Variants in NEDD4L observed in about 807,000 individuals in gnomAD.
NEDD4L encodes the protein NEDD4 like E3 ubiquitin protein ligase, also known as E3 ubiquitin-protein ligase NEDD4-like.
Under a neutral mutation model 148.9 loss-of-function variants are expected in NEDD4L, and 54 were observed. The observed-to-expected ratio is 0.36, with a 90% CI of 0.29 to 0.45. The LOEUF (loss-of-function observed/expected upper bound fraction) is 0.45. NEDD4L is among the 20% of genes least tolerant of loss of function. NEDD4L has a pLI of 1.00. For missense variants in NEDD4L, 856 were observed against 1,233.8 expected, an observed-to-expected ratio of 0.69 and a Z score of 4.59; for synonymous variants, 433 against 440.7, an observed-to-expected ratio of 0.98 and a Z score of 0.22.
intron 1 of NEDD4L, among the ~76,000 whole-genome samples, chr18:58,143,150 C>T (rs1409132194): frequency 1.3e-5 from 2 of 152,206 alleles, no homozygotes; most frequent in Non-Finnish European, 2.9e-5. Flanking sequence ...ACTTGAGCCC[C>T]CTTGCATCAC....
intron 1 of NEDD4L, among the ~76,000 whole-genome samples, chr18:58,081,238 T>G (rs745678689): frequency 1.5e-4 from 21 of 137,080 alleles, no homozygotes; most frequent in Admixed American, 2.9e-4. Context: ...TTTTTTGAGA[T>G]GGAGTCACGC....
chr18:58,324,337 G>C (rs944739844), intron 8 of NEDD4L, among the ~76,000 whole-genome samples: 2 of 152,212 alleles, frequency 1.3e-5, no homozygotes, highest in African/African-American at 4.8e-5. Flanking sequence ...AATGGAACTC[G>C]AATTTTGGTA....
At chr18:58,292,708 C>T (rs1445028246) in intron 5 of NEDD4L, among the ~76,000 whole-genome samples, 1 of 152,202 alleles carries the variant, frequency 6.6e-6, no homozygotes, top group Non-Finnish European at 1.5e-5. Flanking sequence ...TAGTATAATG[C>T]TTTACACATG....
intron 2 of NEDD4L, among the ~76,000 whole-genome samples, chr18:58,222,972 T>A (rs929842660): frequency 4.0e-5 from 6 of 151,338 alleles, no homozygotes; most frequent in Admixed American, 2.6e-4. Context: ...GGCCCCAGGC[T>A]GGTGAGTGAG....
intron 2 of NEDD4L, among the ~76,000 whole-genome samples, chr18:58,178,561 T>C (rs532906840): frequency 6.6e-6 from 1 of 152,368 alleles, no homozygotes; most frequent in Admixed American, 6.5e-5. Flanking sequence ...CTACGGAATA[T>C]TCGTTGGACT....
At chr18:58,232,149 C>T (rs1160710705) in intron 2 of NEDD4L, among the ~76,000 whole-genome samples, 2 of 152,186 alleles carry the variant, frequency 1.3e-5, no homozygotes, top group Admixed American at 6.5e-5. Context: ...TTGTAATGCT[C>T]AAGCATGTGC....
intron 5 of NEDD4L, among the ~76,000 whole-genome samples, chr18:58,298,309 A>G (rs2055966598): frequency 1.3e-5 from 2 of 152,210 alleles, no homozygotes; most frequent in African/African-American, 4.8e-5. Flanking sequence ...GTAATGCATG[A>G]TACAGATAGT....
In NEDD4L at chr18:58,302,403, A is replaced by C. The variant is rs569523873; in HGVS notation, c.298-13579A>C. On this transcript the variant is annotated intron_variant, in intron 5 of 30. Transcript: ENST00000400345. The stretch of plus-strand genomic sequence containing the variant: ...GGGATACTTTCTAACATTCCATCCC[A>C]CTTTTTTTAAAGCTCGTTCATATAC... Among the ~76,000 whole-genome samples, 89 of 152,330 alleles carry C rather than the reference A, an allele frequency of 5.8e-4. No individual in the cohort carries two copies. The Middle Eastern group carries it at 0.01, about 17-fold the overall frequency.
intron 5 of NEDD4L, among the ~76,000 whole-genome samples, chr18:58,295,508 G>T (rs1196456761): frequency 1.3e-5 from 2 of 152,172 alleles, no homozygotes; most frequent in Admixed American, 1.3e-4. Flanking sequence ...CGCTTAGTTA[G>T]TCATTCATCT....
In NEDD4L at chr18:58,357,849, T is replaced by G. The variant is rs1025780823; in HGVS notation, c.1767+597T>G. Among the ~76,000 whole-genome samples, 12 of 152,308 alleles carry G rather than the reference T, an allele frequency of 7.9e-5. No individual in the cohort carries two copies. The East Asian group carries it at 2.3e-3, about 29-fold the overall frequency. The stretch of plus-strand genomic sequence containing the variant: ...AGCACACTGTGTTCATAAGGCAGTG[T>G]GAGAACCCCACTCCCTGAAGCATCA... On this transcript the variant is annotated intron_variant, in intron 19 of 30. Coordinates refer to ENST00000400345, the MANE Select transcript of NEDD4L (RefSeq NM_001144967.3).
intron 1 of NEDD4L, among the ~76,000 whole-genome samples, chr18:58,054,542 G>A (rs1220695377): frequency 6.6e-6 from 1 of 152,174 alleles, no homozygotes; most frequent in East Asian, 1.9e-4. Flanking sequence ...GGAATGCGCT[G>A]AGTAATGATT....
At chr18:58,171,616 TG>T (rs1479645518) in intron 2 of NEDD4L, among the ~76,000 whole-genome samples, 5 of 152,274 alleles carry the variant, frequency 3.3e-5, no homozygotes, top group Admixed American at 3.3e-4. Flanking sequence ...GACAGTTGCC[TG>T]GTAAACTGCC....
At chr18:58,311,449 C>T (rs1357933270) in intron 5 of NEDD4L, among the ~76,000 whole-genome samples, 2 of 152,172 alleles carry the variant, frequency 1.3e-5, no homozygotes, top group Admixed American at 6.5e-5. Context: ...GCACCCTCAA[C>T]CCCCTGGGCT....
intron 23 of NEDD4L, among the ~76,000 whole-genome samples, chr18:58,371,203 A>AT (rs34960405): frequency 0.26 from 23,791 of 92,852 alleles, 3,545 homozygotes; most frequent in African/African-American, 0.4. Flanking sequence ...TGCCTGGCTA[A>AT]TTTTTTTTTT....
intron 1 of NEDD4L, among the ~76,000 whole-genome samples, chr18:58,056,936 TGTAAA>T (rs1021842585): frequency 1.2e-4 from 18 of 150,254 alleles, no homozygotes; most frequent in African/African-American, 9.7e-5. Context: ...ACTGTGTACT[TGTAAA>T]GGAAAGAGAA....
intron 21 of NEDD4L, chr18:58,367,218 A>C (rs1443730502): frequency 6.6e-6 from 1 of 152,426 alleles, no homozygotes; most frequent in East Asian, 1.9e-4. Context: ...CAAATCTAAA[A>C]ATTTGCAGGT....
chr18:58,331,432 A>G (rs1267208299), intron 11 of NEDD4L, among the ~76,000 whole-genome samples: 1 of 152,214 alleles, frequency 6.6e-6, no homozygotes, highest in Non-Finnish European at 1.5e-5. Context: ...GACGTCTCCT[A>G]AGTCCCAGAG....
At chr18:58,270,341 G>A (rs958388145) in intron 5 of NEDD4L, among the ~76,000 whole-genome samples, 6 of 152,172 alleles carry the variant, frequency 3.9e-5, no homozygotes, top group Admixed American at 2.6e-4. Context: ...GTGTGGTAGC[G>A]GAGCCTGGAC....
chr18:58,090,090 G>A (rs763973646), intron 1 of NEDD4L, among the ~76,000 whole-genome samples: 16 of 152,056 alleles, frequency 1.1e-4, no homozygotes, highest in Non-Finnish European at 1.6e-4. Flanking sequence ...TGCTCACCTC[G>A]TCCTCCCAAA....
Sources: gnomAD v4.1 joint callset for allele counts (sites outside exome capture counted in the v4.1 genomes callset) on GRCh38, gnomAD v4.1.1 for gene constraint, MANE v1.5 for transcripts, NCBI Gene and HGNC (gene_info 2026-07-23, HGNC 2026-07-21) for gene names.